Variants in PCDH11X observed in about 807,000 individuals in gnomAD.
The protein encoded by PCDH11X is protocadherin 11 X-linked, also known as protocadherin-11 X-linked.
Under a neutral mutation model 53.3 loss-of-function variants are expected in PCDH11X, and 18 were observed. The ratio of observed to expected loss-of-function variants is 0.34; its 90% CI spans 0.23 to 0.50. PCDH11X has a LOEUF of 0.50. PCDH11X is among the 20% of genes least tolerant of loss of function. The pLI is 0.98. For missense variants in PCDH11X, 570 were observed against 1,032.4 expected (o/e 0.55, Z 6.14); for synonymous variants, 279 against 393.3 (o/e 0.71, Z 3.44).
chrX:92,002,118 T>C (rs1447665414), intron 6 of PCDH11X, among the ~76,000 whole-genome samples: 3 of 107,271 alleles, frequency 2.8e-5, no homozygotes, highest in Non-Finnish European at 1.9e-5. Context: ...CTTCTGAATA[T>C]AGGGATCCAG....
chrX:92,375,922 T>G (rs1264883671), intron 8 of PCDH11X, among the ~76,000 whole-genome samples: 5 of 111,464 alleles, frequency 4.5e-5, no homozygotes, highest in Admixed American at 9.5e-5. Context: ...GTGCCTGGCC[T>G]TGTTTTGTTT....
chrX:92,273,923 T>A (rs1019298597), intron 8 of PCDH11X, among the ~76,000 whole-genome samples: 3 of 110,285 alleles, frequency 2.7e-5, no homozygotes, highest in Admixed American at 1.9e-4. Context: ...TTCAAGAGTT[T>A]AGAGTGGCAG....
chrX:92,482,986 T>G (rs1218776732), intron 10 of PCDH11X, among the ~76,000 whole-genome samples: 2 of 108,445 alleles, frequency 1.8e-5, no homozygotes, highest in African/African-American at 3.3e-5. Context: ...AACATAATAT[T>G]TCCTTTCTAA....
intron 7 of PCDH11X, among the ~76,000 whole-genome samples, chrX:92,220,797 C>G (rs199796931): frequency 0.17 from 17,201 of 103,943 alleles, 1,299 homozygotes; most frequent in Admixed American, 0.29. Context: ...TTGGAACCAA[C>G]CCAAATGTCC....
intron 9 of PCDH11X, among the ~76,000 whole-genome samples, chrX:92,430,141 TG>T (rs1052949057): frequency 1.1e-5 from 1 of 94,261 alleles, no homozygotes; most frequent in African/African-American, 3.7e-5. Context: ...TGTAAAATTT[TG>T]TGACAGTTCA....
At chrX:92,013,652 C>A (rs1295007726) in intron 6 of PCDH11X, among the ~76,000 whole-genome samples, 2 of 111,629 alleles carry the variant, frequency 1.8e-5, no homozygotes, top group African/African-American at 6.5e-5. Context: ...GCTACAGTAA[C>A]CAAAACAGCA....
rs192290427 is a variant in PCDH11X at position 92,263,150 on chromosome X, C to A, written c.3144+7C>A. ...AGGGAAAGTGGCAGGAAAGGTAAGA[C>A]TGCAAATTTCAAAGAAAATTGATTT... On this transcript the variant is annotated splice_region_variant and intron_variant, in intron 8 of 10. Transcript: ENST00000682573. The A allele has an allele frequency of 2.5e-5, 29 of 1,170,111 alleles. No homozygotes were observed. In the East Asian group the frequency reaches 7.7e-4, roughly 31 times the overall value.
At chrX:92,201,547 G>A (rs1290776834) in intron 7 of PCDH11X, 92 bp downstream of exon 7, 2 of 493,677 alleles carry the variant, frequency 4.1e-6, no homozygotes, top group Admixed American at 4.9e-5. Flanking sequence ...TGTGCATAAT[G>A]TGTATTCCCT....
chrX:91,846,573 G>C (rs1937677703), intron 5 of PCDH11X, among the ~76,000 whole-genome samples: 1 of 107,083 alleles, frequency 9.3e-6, no homozygotes, highest in Non-Finnish European at 1.9e-5. Context: ...AGCCCAGATC[G>C]CGCCACTGCA....
chrX:92,493,446 T>C (rs2073801596), intron 10 of PCDH11X, among the ~76,000 whole-genome samples: 1 of 105,683 alleles, frequency 9.5e-6, no homozygotes, highest in South Asian at 4.7e-4. Flanking sequence ...GGAATTGTAA[T>C]GTAATGAACA....
intron 6 of PCDH11X, among the ~76,000 whole-genome samples, chrX:92,126,019 C>T (rs1006420814): frequency 2.7e-5 from 3 of 109,516 alleles, no homozygotes; most frequent in Non-Finnish European, 3.8e-5. Flanking sequence ...CCCAGCTACT[C>T]GGGAGGCTGA....
chrX:92,604,610 T>C (rs1365205995), intron 10 of PCDH11X, among the ~76,000 whole-genome samples: 1 of 111,689 alleles, frequency 9.0e-6, no homozygotes, highest in Non-Finnish European at 1.9e-5. Flanking sequence ...CAGTTCATGA[T>C]ATTAATAACA....
intron 9 of PCDH11X, among the ~76,000 whole-genome samples, chrX:92,454,395 A>G (rs2072868096): frequency 9.1e-6 from 1 of 110,229 alleles, no homozygotes; most frequent in African/African-American, 3.3e-5. Flanking sequence ...GACCTGAAAC[A>G]TACTAAATAA....
chrX:92,516,471 G>A (rs181590388), intron 10 of PCDH11X, among the ~76,000 whole-genome samples: 13 of 111,502 alleles, frequency 1.2e-4, no homozygotes, highest in Non-Finnish European at 2.1e-4. Flanking sequence ...ATCTTCTAAC[G>A]GAAAAAAGTA....
At chrX:92,053,804 C>T (rs1429391480) in intron 6 of PCDH11X, among the ~76,000 whole-genome samples, 2 of 110,800 alleles carry the variant, frequency 1.8e-5, no homozygotes, top group East Asian at 2.9e-4. Context: ...CTCCTGACCT[C>T]GTGATCCACT....
intron 10 of PCDH11X, among the ~76,000 whole-genome samples, chrX:92,581,206 C>T (rs768444587): frequency 4.5e-5 from 5 of 111,928 alleles, no homozygotes; most frequent in Middle Eastern, 9.3e-3. Context: ...TATACATAGA[C>T]AAACACTATA....
intron 6 of PCDH11X, among the ~76,000 whole-genome samples, chrX:91,892,501 C>G (rs1474441481): frequency 2.7e-5 from 3 of 110,638 alleles, no homozygotes; most frequent in Non-Finnish European, 5.7e-5. Flanking sequence ...CCTTGCCATG[C>G]ACCTCATATT....
chrX:92,195,113 G>T (rs774216709), intron 6 of PCDH11X, among the ~76,000 whole-genome samples: 4 of 111,267 alleles, frequency 3.6e-5, no homozygotes, highest in Non-Finnish European at 3.8e-5. Context: ...TTATAAGAGC[G>T]ATACAACCAT....
chrX:91,863,688 C>T (rs1449577359), intron 5 of PCDH11X, among the ~76,000 whole-genome samples: 1 of 111,395 alleles, frequency 9.0e-6, no homozygotes, highest in Non-Finnish European at 1.9e-5. Flanking sequence ...TTCTGTCCTT[C>T]CTGTCTTCCT....
Sources: allele counts gnomAD v4.1 joint callset (sites outside exome capture counted in the v4.1 genomes callset), GRCh38; gene constraint gnomAD v4.1.1; transcripts MANE v1.5; gene names NCBI Gene and HGNC (gene_info 2026-07-23, HGNC 2026-07-21).